The following RBM47 variants were observed in gnomAD, a reference collection of about 807,000 sequenced individuals.
RBM47 encodes the protein RNA binding motif protein 47, also known as RNA-binding protein 47.
RBM47 carries 21 observed loss-of-function variants against 47.1 expected under a neutral mutation model. The observed-to-expected ratio is 0.45, with a 90% CI of 0.32 to 0.64. RBM47 has a LOEUF of 0.64. Among genes scored for constraint, RBM47 ranks in the 30% least tolerant of loss-of-function variants. The pLI, the probability that RBM47 is intolerant of heterozygous loss-of-function variation, is 0.05. For missense variants in RBM47, 708 were observed against 870.9 expected (o/e 0.81, Z 2.35); for synonymous variants, 375 against 361.7 (o/e 1.04, Z -0.42).
At chr4:40,567,123 T>C (rs1731178811) in intron 1 of RBM47, among the ~76,000 whole-genome samples, 1 of 151,936 alleles carries the variant, frequency 6.6e-6, no homozygotes, top group South Asian at 2.1e-4. Flanking sequence ...CACAGTTAGA[T>C]TGTAACATAA....
intron 1 of RBM47, among the ~76,000 whole-genome samples, chr4:40,609,991 C>G (rs888984107): frequency 6.6e-6 from 1 of 152,088 alleles, no homozygotes; most frequent in African/African-American, 2.4e-5. Context: ...ATTCAGGAGG[C>G]TGAGGCAGGA....
At chr4:40,514,744 T>A (rs1230916272) in intron 2 of RBM47, 1 of 152,232 alleles carries the variant, frequency 6.6e-6, no homozygotes, top group Non-Finnish European at 1.5e-5. Context: ...AGGCTCTATT[T>A]CCACACTTCC....
chr4:40,495,936 G>A lies in RBM47; in HGVS notation c.-154-29237C>T, dbSNP rs577992257. 7.9e-5 allele frequency among the ~76,000 whole-genome samples: 12 copies of A among 152,238 alleles called. 1 individual carries two copies. In the South Asian group the frequency reaches 2.3e-3, roughly 29 times the overall value. ...GATTATAGCTGATTGCCGCTTACAT[G>A]CTGCCCTGAAAAGCTCTCTTGCCTG... On this transcript the variant is annotated intron_variant, in intron 2 of 6. Transcript: ENST00000295971.
intron 2 of RBM47, chr4:40,491,691 C>T (rs1721886545): frequency 6.3e-6 from 1 of 157,956 alleles, no homozygotes; most frequent in Non-Finnish European, 1.4e-5. Context: ...ACAGACATTT[C>T]TCTAAAGCTA....
In RBM47 at chr4:40,621,843, G is replaced by C. The variant is rs377105575; in HGVS notation, c.-240+7553C>G. 6.5e-4 allele frequency among the ~76,000 whole-genome samples: 99 copies of C among 152,324 alleles called. 1 individual carries two copies. Among genetic ancestry groups the C allele is most frequent in the African/African-American group, 2.2e-3 (90 of 41,580 alleles). Reference sequence around the variant, plus strand: ...CTCTGAAATGGGGAAGTGCTGAAACGATTGCGACATCCCCACATTTGGCCC... The same window carrying C: ...CTCTGAAATGGGGAAGTGCTGAAACCATTGCGACATCCCCACATTTGGCCC... On this transcript the variant is annotated intron_variant, in intron 1 of 6. Transcript: ENST00000295971.
intron 2 of RBM47, among the ~76,000 whole-genome samples, chr4:40,540,324 G>C (rs1728387893): frequency 6.6e-6 from 1 of 152,016 alleles, no homozygotes; most frequent in South Asian, 2.1e-4. Flanking sequence ...GAGAATATAA[G>C]AAGGATGTTA....
intron 1 of RBM47, among the ~76,000 whole-genome samples, chr4:40,559,405 C>T (rs1730401796): frequency 6.6e-6 from 1 of 152,148 alleles, no homozygotes; most frequent in Admixed American, 6.6e-5. Context: ...CATGGGTATG[C>T]AAGCATCATT....
chr4:40,478,382 C>G (rs1719935636), intron 2 of RBM47, among the ~76,000 whole-genome samples: 2 of 152,094 alleles, frequency 1.3e-5, no homozygotes, highest in South Asian at 4.1e-4. Flanking sequence ...GATCCTTTGT[C>G]TTTTACAAAG....
At chr4:40,488,867 C>T (rs1721482582) in intron 2 of RBM47, among the ~76,000 whole-genome samples, 2 of 152,202 alleles carry the variant, frequency 1.3e-5, no homozygotes, top group African/African-American at 4.8e-5. Flanking sequence ...ATTTAATCCT[C>T]ACGACAATCC....
At chr4:40,517,415 G>A (rs1314678903) in intron 2 of RBM47, among the ~76,000 whole-genome samples, 1 of 152,114 alleles carries the variant, frequency 6.6e-6, no homozygotes, top group African/African-American at 2.4e-5. Flanking sequence ...GGGATTACAG[G>A]CATAAGCCAC....
intron 1 of RBM47, among the ~76,000 whole-genome samples, chr4:40,555,396 CT>C (rs563305691): frequency 3.7e-4 from 56 of 152,302 alleles, no homozygotes; most frequent in African/African-American, 1.3e-3. Context: ...ATGAGACTCT[CT>C]ACAGCCTTCG....
chr4:40,504,665 T>C lies in RBM47; in HGVS notation c.-154-37966A>G, dbSNP rs527431315. Among the ~76,000 whole-genome samples, 7 of 152,300 alleles carry C rather than the reference T, an allele frequency of 4.6e-5. No individual in the cohort carries two copies. The South Asian group carries it at 1.5e-3, about 32-fold the overall frequency. On this transcript the variant is annotated intron_variant, in intron 2 of 6. Transcript: ENST00000295971. ...TATTTTTCTTTTGTGAATTAGACTG[T>C]TTATTTCTACTTCCCTCCCCACCTC...
At chr4:40,571,999 G>C (rs980790148) in intron 1 of RBM47, among the ~76,000 whole-genome samples, 1 of 150,196 alleles carries the variant, frequency 6.7e-6, no homozygotes, top group African/African-American at 2.5e-5. Flanking sequence ...CTCCAGCCTG[G>C]GCAACAGAGC....
chr4:40,469,331 A>G (rs1718501369), intron 2 of RBM47, among the ~76,000 whole-genome samples: 2 of 152,172 alleles, frequency 1.3e-5, no homozygotes, highest in African/African-American at 4.8e-5. Context: ...CGGCTATTCA[A>G]GTAACACAGG....
intron 5 of RBM47, among the ~76,000 whole-genome samples, chr4:40,433,969 C>G (rs1390666022): frequency 7.8e-6 from 1 of 128,282 alleles, no homozygotes; most frequent in East Asian, 2.5e-4. Flanking sequence ...AAGATATCAG[C>G]CCTTTTGTGT....
At chr4:40,496,357 CACACACA>C (rs754888345) in intron 2 of RBM47, among the ~76,000 whole-genome samples, 4,531 of 111,384 alleles carry the variant, frequency 0.041, 126 homozygotes, top group African/African-American at 0.11. Flanking sequence ...CACACACACA[CACACACA>C]AAGAGAGAAA....
chr4:40,520,132 ATCACAAAT>A (rs1005016883), intron 2 of RBM47, among the ~76,000 whole-genome samples: 145 of 152,098 alleles, frequency 9.5e-4, no homozygotes, highest in African/African-American at 3.2e-3. Flanking sequence ...TTTTTCTGTG[ATCACAAAT>A]TTGTCATTTG....
intron 2 of RBM47, among the ~76,000 whole-genome samples, chr4:40,485,492 T>C (rs1720948520): frequency 6.6e-6 from 1 of 152,226 alleles, no homozygotes; most frequent in African/African-American, 2.4e-5. Flanking sequence ...CTCAATGCTT[T>C]GTCAAGCACC....
At chr4:40,429,459 G>A (rs139296384) in intron 6 of RBM47, among the ~76,000 whole-genome samples, 1 of 152,050 alleles carries the variant, frequency 6.6e-6, no homozygotes, top group African/African-American at 2.4e-5. Context: ...GGGGGTCTTG[G>A]AATGTATCCC....
Sources: gnomAD v4.1 joint callset for allele counts (sites outside exome capture counted in the v4.1 genomes callset) on GRCh38, gnomAD v4.1.1 for gene constraint, MANE v1.5 for transcripts, NCBI Gene and HGNC (gene_info 2026-07-23, HGNC 2026-07-21) for gene names.